FLT3: variants seen among roughly 807,000 people sequenced by gnomAD.
FLT3 encodes fms related receptor tyrosine kinase 3.
Under a neutral mutation model 126.6 loss-of-function variants are expected in FLT3, and 46 were observed. That is an observed-to-expected ratio of 0.36 (90% CI 0.29 to 0.46). The LOEUF is 0.46. Ranked by LOEUF, FLT3 falls within the 20% of genes least tolerant of loss-of-function variation. The pLI, the probability that FLT3 is intolerant of heterozygous loss-of-function variation, is 1.00. For missense variants in FLT3, 1,069 were observed against 1,190.3 expected (o/e 0.90, Z 1.50); for synonymous variants, 404 against 434.4 (o/e 0.93, Z 0.87).
At chr13:28,007,179 C>CT (rs1464150821) in intron 23 of FLT3, among the ~76,000 whole-genome samples, 1 of 152,146 alleles carries the variant, frequency 6.6e-6, no homozygotes, top group Non-Finnish European at 1.5e-5. Flanking sequence ...TATAAATTTT[C>CT]TTATACTTTA....
intron 23 of FLT3, among the ~76,000 whole-genome samples, chr13:28,006,501 A>T (rs1286009490): frequency 1.3e-5 from 2 of 152,126 alleles, no homozygotes; most frequent in Non-Finnish European, 2.9e-5. Flanking sequence ...CCAAATGTAC[A>T]TCTCTACCAC....
At chr13:28,027,064 C>T (rs374798961) in intron 17 of FLT3, 24 bp downstream of exon 17, 38 of 1,606,178 alleles carry the variant, frequency 2.4e-5, no homozygotes, top group Middle Eastern at 1.7e-4. Context: ...TGTGTAATTA[C>T]GAAACCCTGA....
chr13:28,063,385 C>T (rs1375208690), intron 2 of FLT3, among the ~76,000 whole-genome samples: 1 of 152,092 alleles, frequency 6.6e-6, no homozygotes, highest in Non-Finnish European at 1.5e-5. Context: ...GAGGCTGAGG[C>T]AGGAGAATCA....
intron 1 of FLT3, among the ~76,000 whole-genome samples, chr13:28,094,878 C>A (rs1419357343): frequency 1.3e-5 from 2 of 152,146 alleles, no homozygotes; most frequent in Non-Finnish European, 2.9e-5. Flanking sequence ...AAATTAGTGA[C>A]CAGTAGTGAC....
chr13:28,063,351 G>A (rs1876738055), intron 2 of FLT3, among the ~76,000 whole-genome samples: 1 of 152,124 alleles, frequency 6.6e-6, no homozygotes, highest in Non-Finnish European at 1.5e-5. Flanking sequence ...GTGGTGGTAG[G>A]CGCCTGTAAT....
At chr13:28,031,350 G>A (rs1001018644) in intron 15 of FLT3, among the ~76,000 whole-genome samples, 2 of 152,152 alleles carry the variant, frequency 1.3e-5, no homozygotes, top group Non-Finnish European at 2.9e-5. Flanking sequence ...ACTGAGTCCT[G>A]AAGAAAAATG....
chr13:28,084,270 T>C (rs905615541), intron 1 of FLT3, among the ~76,000 whole-genome samples: 5 of 151,954 alleles, frequency 3.3e-5, no homozygotes, highest in African/African-American at 1.2e-4. Flanking sequence ...TGGGATTACA[T>C]GCGCAAGCTA....
chr13:28,091,047 C>T (rs1299712466), intron 1 of FLT3, among the ~76,000 whole-genome samples: 1 of 151,806 alleles, frequency 6.6e-6, no homozygotes, highest in African/African-American at 2.4e-5. Context: ...TTATTTTACA[C>T]ATCATGAAAC....
At position 28,023,320 on chromosome 13, in the gene FLT3, TGG is replaced by T. The variant is rs1163745375; in HGVS notation, c.2418+28_2418+29del. 5 of 1,585,718 alleles carry T rather than the reference TGG, an allele frequency of 3.2e-6. No individual in the cohort carries two copies. The Admixed American group carries it at 5.7e-5, about 18-fold the overall frequency. ...AGCACATCTTTTCAAATCTTTTTTT[TGG>T]TTTGTTTTTTCTTTAAAAGGAGCAT... On this transcript the variant is annotated intron_variant, in intron 19 of 23. Coordinates refer to ENST00000241453, the MANE Select transcript of FLT3 (RefSeq NM_004119.3).
At position 28,081,373 on chromosome 13, in the gene FLT3, T is replaced by C. The variant is rs78235018; in HGVS notation, c.44-10761A>G. Among the ~76,000 whole-genome samples, 4 of 152,342 alleles carry C rather than the reference T, an allele frequency of 2.6e-5. No homozygotes were observed. In the East Asian group the frequency reaches 7.7e-4, roughly 29 times the overall value. ...CCCTGTTTCATATTTTTGGATACTATTTTGGTATTCTTCCCTTCAATTTCT... is the reference window on the plus strand; with the variant it reads ...CCCTGTTTCATATTTTTGGATACTACTTTGGTATTCTTCCCTTCAATTTCT... On this transcript the variant is annotated intron_variant, in intron 1 of 23. Coordinates refer to ENST00000241453, the MANE Select transcript of FLT3 (RefSeq NM_004119.3).
intron 15 of FLT3, among the ~76,000 whole-genome samples, chr13:28,028,763 C>T (rs141031440): frequency 2.1e-5 from 3 of 140,088 alleles, no homozygotes; most frequent in Admixed American, 7.3e-5. Flanking sequence ...TCTCCTTTTT[C>T]TTTTTTTTTT....
At chr13:28,042,017 G>A (rs1283180639) in intron 9 of FLT3, among the ~76,000 whole-genome samples, 2 of 151,774 alleles carry the variant, frequency 1.3e-5, no homozygotes, top group East Asian at 1.9e-4. Flanking sequence ...AGCTGGGCAC[G>A]GTGGCACACG....
At chr13:28,095,902 G>T (rs9554252) in intron 1 of FLT3, among the ~76,000 whole-genome samples, 2 of 151,854 alleles carry the variant, frequency 1.3e-5, no homozygotes, top group Non-Finnish European at 2.9e-5. Flanking sequence ...AGTAAAATGT[G>T]GTCAATACCT....
intron 1 of FLT3, among the ~76,000 whole-genome samples, chr13:28,093,748 C>CT (rs1273221708): frequency 2.2e-4 from 34 of 152,256 alleles, no homozygotes; most frequent in Non-Finnish European, 5.9e-5. Context: ...GGTTCAGCCA[C>CT]TGTGCATATT....
intron 18 of FLT3, among the ~76,000 whole-genome samples, chr13:28,023,697 T>C (rs1872589664): frequency 6.6e-6 from 1 of 152,220 alleles, no homozygotes; most frequent in Non-Finnish European, 1.5e-5. Flanking sequence ...ACTGCTTTGA[T>C]GACCGATGAC....
chr13:28,004,303 T>TTGTG, intron 23 of FLT3, 129 bp from the exon 24 acceptor site: 1 of 1,009,842 alleles, frequency 9.9e-7, no homozygotes, highest in South Asian at 1.6e-5. Flanking sequence ...TGTTTGTTTG[T>TTGTG]TGTTTGTTTG....
In FLT3 at chr13:28,084,855, G is replaced by C. The variant is rs573652818; in HGVS notation, c.44-14243C>G. ...CCGGGCGTGGTGGCGGGCGCCTGTA[G>C]TCCCAGCTACTCGGGAGGCTGAGGC... On this transcript the variant is annotated intron_variant, in intron 1 of 23. Coordinates refer to ENST00000241453, the MANE Select transcript of FLT3 (RefSeq NM_004119.3). Among the ~76,000 whole-genome samples, 6 of 151,756 alleles carry C rather than the reference G, an allele frequency of 4.0e-5. No individual in the cohort carries two copies. In the East Asian group the frequency reaches 1.2e-3, roughly 30 times the overall value.
intron 14 of FLT3, 21 bp from the exon 15 acceptor site, chr13:28,034,012 T>C (rs775057940): frequency 6.2e-7 from 1 of 1,613,220 alleles, no homozygotes; most frequent in Non-Finnish European, 8.5e-7. Flanking sequence ...AAATGGTGAG[T>C]ACGTGCATTT....
At chr13:28,099,600 A>G (rs192711103) in intron 1 of FLT3, among the ~76,000 whole-genome samples, 271 of 152,218 alleles carry the variant, frequency 1.8e-3, no homozygotes, top group African/African-American at 6.2e-3. Context: ...TGTCAGTCCC[A>G]AGGTTGCAGA....
Sources: gnomAD v4.1 joint callset for allele counts (sites outside exome capture counted in the v4.1 genomes callset) on GRCh38, gnomAD v4.1.1 for gene constraint, MANE v1.5 for transcripts, NCBI Gene and HGNC (gene_info 2026-07-23, HGNC 2026-07-21) for gene names.